The following LHCGR variants were observed in gnomAD, a reference collection of about 807,000 sequenced individuals.
LHCGR encodes lutropin-choriogonadotropic hormone receptor.
In LHCGR, 55 loss-of-function variants were observed where a neutral mutation model predicts 60.7. The ratio of observed to expected loss-of-function variants is 0.91; its 90% CI spans 0.73 to 1.13. The LOEUF (loss-of-function observed/expected upper bound fraction) is 1.13. Ranked by LOEUF, LHCGR falls within the 50% of genes most tolerant of loss-of-function variation. The pLI, the probability that LHCGR is intolerant of heterozygous loss-of-function variation, is 0.00. For missense variants in LHCGR, 862 were observed against 836.0 expected, an observed-to-expected ratio of 1.03 and a Z score of -0.38; for synonymous variants, 337 against 316.5, an observed-to-expected ratio of 1.06 and a Z score of -0.69.
chr2:48,688,376 A>C lies in LHCGR; in HGVS notation c.1421T>G (p.Leu474Arg). 1 of 1,614,216 alleles carries C rather than the reference A, an allele frequency of 6.2e-7. No individual in the cohort carries two copies. ...RWHTITYAIH[L>R]DQKLRLRHAI... ...ATGTCTTAATCGCAGCTTTTGGTCCAGGTGAATAGCATAGGTGATGGTGTG... is the reference window on the plus strand; with the variant it reads ...ATGTCTTAATCGCAGCTTTTGGTCCCGGTGAATAGCATAGGTGATGGTGTG... Residue 474 changes from leucine to arginine, a missense_variant, in exon 11 of 11, where the codon CTG (leucine) becomes CGG (arginine). Coordinates refer to ENST00000294954, the MANE Select transcript of LHCGR (RefSeq NM_000233.4). This position sits in a 1 kb window ranked among gnomAD's most constrained non-coding sequence, Gnocchi z 5.2.
chr2:48,737,494 C>T (rs1000843513), intron 1 of LHCGR, among the ~76,000 whole-genome samples: 12 of 152,162 alleles, frequency 7.9e-5, no homozygotes, highest in Non-Finnish European at 1.2e-4. Context: ...CAAAGCTGCT[C>T]ACAATGATAA....
chr2:48,734,266 A>G (rs1435042206), intron 1 of LHCGR, among the ~76,000 whole-genome samples: 1 of 152,216 alleles, frequency 6.6e-6, no homozygotes, highest in East Asian at 1.9e-4. Flanking sequence ...CGGAGATATA[A>G]TATACTGTTT....
intron 10 of LHCGR, among the ~76,000 whole-genome samples, chr2:48,690,551 C>T (rs1680180524): frequency 6.6e-6 from 1 of 152,164 alleles, no homozygotes; most frequent in Non-Finnish European, 1.5e-5. Context: ...CCTTGGGCAA[C>T]CTTCCCTTTG....
intron 1 of LHCGR, 103 bp from the exon 2 acceptor site, chr2:48,731,401 CTT>C: frequency 1.3e-6 from 1 of 760,458 alleles, no homozygotes; most frequent in East Asian, 2.5e-5. Context: ...GAGACAGAGA[CTT>C]CAGAGTTCCC....
chr2:48,753,981 T>C (rs1015614248), intron 1 of LHCGR, among the ~76,000 whole-genome samples: 2 of 152,206 alleles, frequency 1.3e-5, no homozygotes, highest in African/African-American at 4.8e-5. Context: ...ATCTGTATGA[T>C]AAGTAGCAGG....
chr2:48,709,741 C>A (rs1432839103), intron 7 of LHCGR, among the ~76,000 whole-genome samples: 1 of 152,192 alleles, frequency 6.6e-6, no homozygotes, highest in Non-Finnish European at 1.5e-5. Flanking sequence ...GCCTTGAGCT[C>A]AAAGTCATTC....
At chr2:48,715,899 TC>T (rs1668225714) in intron 6 of LHCGR, among the ~76,000 whole-genome samples, 1 of 152,178 alleles carries the variant, frequency 6.6e-6, no homozygotes, top group Non-Finnish European at 1.5e-5. Context: ...TTTCTTAAAC[TC>T]CTGGGGCCTC....
chr2:48,746,598 G>A (rs759345129), intron 1 of LHCGR, among the ~76,000 whole-genome samples: 2 of 152,302 alleles, frequency 1.3e-5, no homozygotes, highest in African/African-American at 2.4e-5. Context: ...GGTGTGAGGA[G>A]TTTATGTCTT....
chr2:48,691,227 A>T (rs959862425), intron 10 of LHCGR, among the ~76,000 whole-genome samples: 9 of 152,320 alleles, frequency 5.9e-5, no homozygotes, highest in African/African-American at 2.2e-4. Context: ...CATGTTTTGT[A>T]TTTTAAGTGC....
Position 48,687,743 on chromosome 2 carries a change from C to G in LHCGR, c.2054G>C (p.Cys685Ser). ...QSTLKLSTLH[C>S]QGTALLDKTR... is the part of the protein sequence containing the mutation. ...CTTGTCTAGGAGAGCTGTACCTTGA[C>G]AGTGCAATGTGGACAACTTCAAGGT... Residue 685 changes from cysteine to serine, a missense_variant, in exon 11 of 11, where the codon TGT becomes TCT. Physicochemically the swap from Cys to Ser is moderately radical, Grantham distance 112 (BLOSUM62 -1). Coordinates refer to ENST00000294954, the MANE Select transcript of LHCGR (RefSeq NM_000233.4). 2 of 1,614,114 alleles carry G rather than the reference C, an allele frequency of 1.2e-6. No homozygotes were observed. The highest frequency in any genetic ancestry group is 1.7e-6 in the Non-Finnish European group (2 of 1,179,992).
At chr2:48,729,538 A>G (rs780264760) in intron 2 of LHCGR, among the ~76,000 whole-genome samples, 4 of 152,200 alleles carry the variant, frequency 2.6e-5, no homozygotes, top group Non-Finnish European at 5.9e-5. Flanking sequence ...GCCCTTTGAG[A>G]AAATCTAGTC....
chr2:48,701,214 G>C (rs1349481806), intron 8 of LHCGR, among the ~76,000 whole-genome samples: 1 of 152,086 alleles, frequency 6.6e-6, no homozygotes, highest in Non-Finnish European at 1.5e-5. Flanking sequence ...AGTTGATCTT[G>C]GCGGGATCTA....
chr2:48,750,587 A>G (rs1356934485), intron 1 of LHCGR, among the ~76,000 whole-genome samples: 1 of 152,246 alleles, frequency 6.6e-6, no homozygotes, highest in Non-Finnish European at 1.5e-5. Context: ...AGAGATTTAA[A>G]AAATGACATT....
At chr2:48,704,091 G>T (rs1325861343) in intron 8 of LHCGR, among the ~76,000 whole-genome samples, 1 of 152,134 alleles carries the variant, frequency 6.6e-6, no homozygotes, top group Non-Finnish European at 1.5e-5. Context: ...AGTGTTTTTA[G>T]CATGAAGCAC....
At chr2:48,737,453 A>C (rs1669249522) in intron 1 of LHCGR, among the ~76,000 whole-genome samples, 2 of 152,236 alleles carry the variant, frequency 1.3e-5, no homozygotes, top group South Asian at 4.1e-4. Context: ...TTCTACACTT[A>C]ACAGTGTCTT....
At chr2:48,751,330 C>T (rs895839172) in intron 1 of LHCGR, among the ~76,000 whole-genome samples, 2 of 151,960 alleles carry the variant, frequency 1.3e-5, no homozygotes, top group South Asian at 2.1e-4. Flanking sequence ...AGAAATATTT[C>T]CCCCCCAGCC....
intron 3 of LHCGR, among the ~76,000 whole-genome samples, chr2:48,728,774 G>A (rs1189796206): frequency 3.9e-5 from 6 of 152,150 alleles, no homozygotes; most frequent in Non-Finnish European, 8.8e-5. Context: ...CACTGAATGA[G>A]TGAATGTGCC....
At chr2:48,749,762 A>G (rs1311592129) in intron 1 of LHCGR, among the ~76,000 whole-genome samples, 1 of 151,126 alleles carries the variant, frequency 6.6e-6, no homozygotes, top group African/African-American at 2.4e-5. Flanking sequence ...AGGAATTACT[A>G]CTCTCCAAGG....
At chr2:48,706,215 A>G (rs1381032738) in intron 8 of LHCGR, among the ~76,000 whole-genome samples, 1 of 152,208 alleles carries the variant, frequency 6.6e-6, no homozygotes, top group African/African-American at 2.4e-5. Flanking sequence ...AATGTTGAAT[A>G]TTGGCCCCCA....
Sources: gnomAD v4.1 joint callset for allele counts (sites outside exome capture counted in the v4.1 genomes callset) on GRCh38, gnomAD v4.1.1 for gene constraint, Gnocchi (gnomAD v3.1) non-coding constraint, MANE v1.5 for transcripts, NCBI Gene and HGNC (gene_info 2026-07-23, HGNC 2026-07-21) for gene names.